GPR149: variants seen among roughly 807,000 people sequenced by gnomAD.
The protein encoded by GPR149 is probable G protein-coupled receptor 149.
GPR149 carries 50 observed loss-of-function variants against 50.2 expected under a neutral mutation model. The ratio of observed to expected loss-of-function variants is 1.00; its 90% confidence interval spans 0.79 to 1.26. GPR149 has a LOEUF of 1.26. Among genes scored for constraint, GPR149 ranks in the 50% most tolerant of loss-of-function variants. The pLI is 0.00. For missense variants in GPR149, 983 were observed against 895.4 expected (o/e 1.10, Z -1.25); for synonymous variants, 405 against 358.2 (o/e 1.13, Z -1.48).
At chr3:154,369,424 C>T (rs1292529268) in intron 3 of GPR149, among the ~76,000 whole-genome samples, 1 of 152,210 alleles carries the variant, frequency 6.6e-6, no homozygotes, top group Non-Finnish European at 1.5e-5. Context: ...CGTGACAATA[C>T]TGCCCTGTGC....
chr3:154,353,589 T>C (rs1714139707), intron 3 of GPR149: 1 of 1,144,112 alleles, frequency 8.7e-7, no homozygotes, highest in African/African-American at 1.5e-5. Flanking sequence ...TTGGCTTTGA[T>C]ATGGTATTGC....
intron 3 of GPR149, among the ~76,000 whole-genome samples, chr3:154,366,957 T>C (rs1448458081): frequency 6.6e-6 from 1 of 152,194 alleles, no homozygotes; most frequent in Non-Finnish European, 1.5e-5. Flanking sequence ...TCAACAAATT[T>C]CCATCTTAGT....
chr3:154,413,488 G>T (rs889964081), intron 3 of GPR149, among the ~76,000 whole-genome samples: 1 of 151,944 alleles, frequency 6.6e-6, no homozygotes, highest in African/African-American at 2.4e-5. Flanking sequence ...CAAAAAGTGG[G>T]CTAAGGATTT....
At chr3:154,351,722 C>T (rs1251197016) in intron 3 of GPR149, among the ~76,000 whole-genome samples, 1 of 152,062 alleles carries the variant, frequency 6.6e-6, no homozygotes, top group Non-Finnish European at 1.5e-5. Flanking sequence ...CCTAAAATTA[C>T]AGGGATAAAT....
At chr3:154,382,682 T>C (rs947120253) in intron 3 of GPR149, among the ~76,000 whole-genome samples, 3 of 152,224 alleles carry the variant, frequency 2.0e-5, no homozygotes, top group Non-Finnish European at 2.9e-5. Flanking sequence ...AGTATGAGTA[T>C]GTTCCTGAAG....
intron 3 of GPR149, among the ~76,000 whole-genome samples, chr3:154,390,927 G>C (rs1344658379): frequency 6.6e-6 from 1 of 151,998 alleles, no homozygotes; most frequent in Non-Finnish European, 1.5e-5. Context: ...TCAAAGTGCT[G>C]AAAGAAAAGA....
chr3:154,339,940 C>A (rs1015423238), intron 3 of GPR149, among the ~76,000 whole-genome samples: 1 of 151,682 alleles, frequency 6.6e-6, no homozygotes, highest in Non-Finnish European at 1.5e-5. Flanking sequence ...CAGGCACCCA[C>A]CACCACCCCC....
rs1466611814 is a variant in GPR149, at chr3:154,338,277, G to A, written c.1624-6C>T. The A allele has an allele frequency of 6.6e-7, 1 of 1,523,086 alleles. No homozygotes were observed. The highest frequency in any genetic ancestry group is 8.8e-7 in the Non-Finnish European group (1 of 1,136,500). 94.3% of individuals were successfully genotyped at this position (1,523,086 alleles called of 1,614,324 possible). On this transcript the variant is annotated splice_polypyrimidine_tract_variant and splice_region_variant and intron_variant, in intron 3 of 3. Transcript: ENST00000389740. Reference sequence around the variant, plus strand: ...GCAAGGGCATAACCGGAACGCTGGGGACAAAAACAAAATTGTTATTGTTGA... The same window carrying A: ...GCAAGGGCATAACCGGAACGCTGGGAACAAAAACAAAATTGTTATTGTTGA...
rs188257650 is a variant in GPR149 at position 154,351,522 on chromosome 3, A to T, written c.1624-13251T>A. Among the ~76,000 whole-genome samples the T allele has an allele frequency of 1.9e-3, 293 of 152,212 alleles. 3 individuals carry two copies. Among genetic ancestry groups the T allele is most frequent in the African/African-American group, 6.0e-3 (251 of 41,548 alleles). The stretch of plus-strand genomic sequence containing the variant: ...CACAAAAATCATGATCCATAAAAGG[A>T]TATTTGATAAACTGGACTTCATTAA... On this transcript the variant is annotated intron_variant, in intron 3 of 3. Transcript: ENST00000389740.
intron 3 of GPR149, among the ~76,000 whole-genome samples, chr3:154,374,443 G>A (rs1380780098): frequency 6.6e-6 from 1 of 151,840 alleles, no homozygotes; most frequent in Non-Finnish European, 1.5e-5. Context: ...AAAGTGCTGC[G>A]ATTACAGGCA....
intron 3 of GPR149, among the ~76,000 whole-genome samples, chr3:154,340,513 C>G (rs960615560): frequency 1.3e-5 from 2 of 152,168 alleles, no homozygotes; most frequent in Admixed American, 6.5e-5. Context: ...TCTGAGCTTG[C>G]ATTGGATGTA....
chr3:154,420,671 A>G (rs1712116597), intron 3 of GPR149, among the ~76,000 whole-genome samples: 1 of 151,956 alleles, frequency 6.6e-6, no homozygotes, highest in African/African-American at 2.4e-5. Context: ...TGGAGACTTA[A>G]GGTATACCTT....
chr3:154,412,013 G>T (rs552090339), intron 3 of GPR149, among the ~76,000 whole-genome samples: 11 of 152,208 alleles, frequency 7.2e-5, no homozygotes, highest in Admixed American at 5.2e-4. Context: ...GATCAAGTGG[G>T]TTTCATACCA....
At chr3:154,359,562 C>T (rs1003487503) in intron 3 of GPR149, among the ~76,000 whole-genome samples, 2 of 152,108 alleles carry the variant, frequency 1.3e-5, no homozygotes, top group African/African-American at 2.4e-5. Flanking sequence ...CCACAGAGGT[C>T]GTGGTTATTC....
intron 3 of GPR149, among the ~76,000 whole-genome samples, chr3:154,377,547 A>G (rs1265220233): frequency 6.6e-6 from 1 of 151,772 alleles, no homozygotes; most frequent in South Asian, 2.1e-4. Context: ...TTGTATTTGT[A>G]GTGGAGACGG....
At chr3:154,408,489 T>C (rs1282632579) in intron 3 of GPR149, among the ~76,000 whole-genome samples, 1 of 152,080 alleles carries the variant, frequency 6.6e-6, no homozygotes, top group Non-Finnish European at 1.5e-5. Flanking sequence ...TGGGGCACAG[T>C]GGGAGTGAGA....
At position 154,337,988 on chromosome 3, in the gene GPR149, A is replaced by T; in HGVS notation, c.1907T>A (p.Ile636Asn). Residue 636 changes from isoleucine (I) to asparagine (N), a missense_variant, in exon 4 of 4, where the codon ATC becomes AAC. Transcript: ENST00000389740. Reference sequence around the variant, plus strand: ...GGAGGACTGACTGATGTTACTAATGATTGACACAGTGTCCAAGGCCTCTTC... The same window carrying T: ...GGAGGACTGACTGATGTTACTAATGTTTGACACAGTGTCCAAGGCCTCTTC... Reference protein sequence around the residue: ...DNEEALDTVSIISNISQSSTQ... With the variant: ...DNEEALDTVSNISNISQSSTQ... The T allele has an allele frequency of 6.2e-7, 1 of 1,614,170 alleles. No individual in the cohort carries two copies. The highest frequency in any genetic ancestry group is 8.5e-7 in the Non-Finnish European group (1 of 1,180,018).
intron 3 of GPR149, among the ~76,000 whole-genome samples, chr3:154,385,179 CAGCTAA>C (rs1271476787): frequency 1.3e-5 from 2 of 152,158 alleles, no homozygotes; most frequent in East Asian, 3.9e-4. Context: ...ACTAGATTTT[CAGCTAA>C]TTTGCTAAAA....
At chr3:154,389,164 TG>T (rs1278158909) in intron 3 of GPR149, among the ~76,000 whole-genome samples, 2 of 152,138 alleles carry the variant, frequency 1.3e-5, no homozygotes, top group Admixed American at 6.6e-5. Flanking sequence ...CAATCAGTAA[TG>T]TCAGCAAGAT....
Sources: allele counts gnomAD v4.1 joint callset (sites outside exome capture counted in the v4.1 genomes callset), GRCh38; gene constraint gnomAD v4.1.1; transcripts MANE v1.5; gene names NCBI Gene and HGNC (gene_info 2026-07-23, HGNC 2026-07-21).